Variants in POU2F1 observed in about 807,000 individuals in gnomAD.
POU2F1 encodes POU domain, class 2, transcription factor 1.
A neutral mutation model predicts 84.9 loss-of-function variants in POU2F1; 16 were observed. The ratio of observed to expected loss-of-function variants is 0.19; its 90% confidence interval spans 0.13 to 0.29. The LOEUF (loss-of-function observed/expected upper bound fraction) is 0.29. Among genes scored for constraint, POU2F1 ranks in the 10% least tolerant of loss-of-function variants. The probability of loss-of-function intolerance (pLI) is 1.00; values close to 1 mark genes in which losing one functional copy is unlikely to be tolerated. For synonymous variants in POU2F1, 368 were observed against 368.3 expected, an observed-to-expected ratio of 1.00 and a Z score of 0.01; for missense variants, 738 against 942.6, an observed-to-expected ratio of 0.78 and a Z score of 2.84.
intron 1 of POU2F1, among the ~76,000 whole-genome samples, chr1:167,236,941 G>T (rs545305221): frequency 1.3e-5 from 2 of 152,312 alleles, no homozygotes; most frequent in South Asian, 4.1e-4. Flanking sequence ...AGTTTTAGCA[G>T]TCTAGGGGTC....
intron 2 of POU2F1, among the ~76,000 whole-genome samples, chr1:167,339,788 CATTT>C (rs1375447241): frequency 5.9e-5 from 9 of 152,134 alleles, no homozygotes; most frequent in Non-Finnish European, 1.2e-4. Flanking sequence ...CTTTTCCATT[CATTT>C]GACAATTTAT....
intron 2 of POU2F1, among the ~76,000 whole-genome samples, chr1:167,350,875 G>C (rs1432157487): frequency 1.3e-5 from 2 of 151,746 alleles, no homozygotes; most frequent in East Asian, 3.9e-4. Flanking sequence ...GCGCATGCCT[G>C]TAATCCCAGC....
At chr1:167,372,169 A>G in intron 5 of POU2F1, 133 bp downstream of exon 5, 1 of 1,111,312 alleles carries the variant, frequency 9.0e-7, no homozygotes, top group Non-Finnish European at 1.3e-6. Flanking sequence ...TCTTTAAGGA[A>G]CTTCCTACAC....
At chr1:167,317,422 GACAC>G (rs201626686) in intron 1 of POU2F1, among the ~76,000 whole-genome samples, 6 of 152,132 alleles carry the variant, frequency 3.9e-5, no homozygotes, top group Non-Finnish European at 7.4e-5. Flanking sequence ...AGGAATTAAA[GACAC>G]ACACACACAA....
chr1:167,410,773 C>T (rs1007529617), intron 13 of POU2F1, among the ~76,000 whole-genome samples: 2 of 152,114 alleles, frequency 1.3e-5, no homozygotes, highest in Admixed American at 6.6e-5. Flanking sequence ...ACCTCAGCCT[C>T]CCAAAGTGCT....
intron 1 of POU2F1, among the ~76,000 whole-genome samples, chr1:167,232,765 C>T (rs1649158849): frequency 6.6e-6 from 1 of 151,984 alleles, no homozygotes; most frequent in Non-Finnish European, 1.5e-5. Flanking sequence ...ATCACTTGAA[C>T]CCGTGAAGTG....
At position 167,373,805 on chromosome 1, in the gene POU2F1, C is replaced by A. The variant is rs1434887020; in HGVS notation, c.403-303C>A. Among the ~76,000 whole-genome samples the A allele has an allele frequency of 3.3e-5, 5 of 151,548 alleles. No individual in the cohort carries two copies. In the East Asian group the frequency reaches 5.8e-4, roughly 18 times the overall value. On this transcript the variant is annotated intron_variant, in intron 5 of 15. Transcript: ENST00000367866. ...GTTGTGTGTAAATGTATTTTCATAT[C>A]TTGTCAGTGGTGATTCTTTTTTTTT...
chr1:167,403,328 C>G (rs1254798057), intron 13 of POU2F1, among the ~76,000 whole-genome samples: 1 of 152,182 alleles, frequency 6.6e-6, no homozygotes, highest in Non-Finnish European at 1.5e-5. Context: ...TTGTGATACT[C>G]TAAGCAGAGG....
intron 2 of POU2F1, among the ~76,000 whole-genome samples, chr1:167,339,660 T>G (rs567232714): frequency 1.4e-4 from 22 of 152,344 alleles, no homozygotes; most frequent in African/African-American, 4.1e-4. Context: ...CTTTCTAGTG[T>G]TATCTGTTCT....
chr1:167,372,188 G>GTTCCT, intron 5 of POU2F1, 152 bp downstream of exon 5: 1 of 945,068 alleles, frequency 1.1e-6, no homozygotes, highest in Non-Finnish European at 1.5e-6. Flanking sequence ...ACTGTAGGTA[G>GTTCCT]TAAGTTGCTC....
intron 7 of POU2F1, chr1:167,381,004 T>G (rs1330132884): frequency 1.3e-5 from 2 of 152,188 alleles, no homozygotes; most frequent in Admixed American, 1.3e-4. Flanking sequence ...AAAGAAATGT[T>G]TTTGGTTAGA....
intron 1 of POU2F1, among the ~76,000 whole-genome samples, chr1:167,259,983 A>T (rs546801982): frequency 6.6e-6 from 1 of 151,560 alleles, no homozygotes; most frequent in Admixed American, 6.6e-5. Flanking sequence ...GGTTCACGCG[A>T]TTCTCCTGCC....
At chr1:167,297,006 A>G (rs1287236827) in intron 1 of POU2F1, among the ~76,000 whole-genome samples, 1 of 152,204 alleles carries the variant, frequency 6.6e-6, no homozygotes, top group Non-Finnish European at 1.5e-5. Flanking sequence ...TATAACTAAG[A>G]TAACTAAGTT....
intron 1 of POU2F1, among the ~76,000 whole-genome samples, chr1:167,331,129 A>G (rs1479734060): frequency 6.6e-6 from 1 of 152,094 alleles, no homozygotes; most frequent in Admixed American, 6.5e-5. Context: ...GACCACAAAC[A>G]TATGAATTTT....
intron 1 of POU2F1, among the ~76,000 whole-genome samples, chr1:167,282,248 A>G (rs1043534488): frequency 1.3e-5 from 2 of 149,992 alleles, no homozygotes; most frequent in Non-Finnish European, 3.0e-5. Flanking sequence ...GGTTCACGCC[A>G]TTCTCCTGCC....
intron 9 of POU2F1, among the ~76,000 whole-genome samples, chr1:167,394,469 A>G (rs1648661434): frequency 6.6e-6 from 1 of 152,290 alleles, no homozygotes; most frequent in African/African-American, 2.4e-5. Flanking sequence ...TTTTATGGTA[A>G]TTGGAATGAA....
chr1:167,224,978 G>A (rs921625050), intron 1 of POU2F1, among the ~76,000 whole-genome samples: 1 of 151,990 alleles, frequency 6.6e-6, no homozygotes, highest in African/African-American at 2.4e-5. Flanking sequence ...ACAGGCATGC[G>A]CCATGACGCC....
In POU2F1 at chr1:167,409,814, A is replaced by G. The variant is rs1050272497; in HGVS notation, c.1556-2145A>G. ...AGGACTTATAAAAATAGGCAATTCA[A>G]TTTCAGAACTTTGAAAGGGAAGTAG... On this transcript the variant is annotated intron_variant, in intron 13 of 15. Coordinates refer to ENST00000367866, the MANE Select transcript of POU2F1 (RefSeq NM_002697.4). Among the ~76,000 whole-genome samples the G allele has an allele frequency of 1.5e-4, 23 of 152,336 alleles. No homozygotes were observed. In the South Asian group the frequency reaches 2.3e-3, roughly 15 times the overall value.
At chr1:167,251,267 C>G (rs1212498638) in intron 1 of POU2F1, among the ~76,000 whole-genome samples, 2 of 152,058 alleles carry the variant, frequency 1.3e-5, no homozygotes, top group African/African-American at 2.4e-5. Context: ...GGTGTGGTAG[C>G]AAGCGCCTGT....
Sources: allele counts gnomAD v4.1 joint callset (sites outside exome capture counted in the v4.1 genomes callset), GRCh38; gene constraint gnomAD v4.1.1; transcripts MANE v1.5; gene names NCBI Gene and HGNC (gene_info 2026-07-23, HGNC 2026-07-21).